Variants in CELF2 observed in about 807,000 individuals in gnomAD.
CELF2 encodes the protein CUGBP Elav-like family member 2.
Under a neutral mutation model 62.6 loss-of-function variants are expected in CELF2, and 8 were observed. The ratio of observed to expected loss-of-function variants is 0.13; its 90% CI spans 0.07 to 0.23. The LOEUF (loss-of-function observed/expected upper bound fraction) is 0.23, where lower values mean the gene tolerates loss of function less well. Ranked by LOEUF, CELF2 falls within the 10% of genes least tolerant of loss-of-function variation. The probability of loss-of-function intolerance (pLI) is 1.00; values close to 1 mark genes in which losing one functional copy is unlikely to be tolerated. For synonymous variants in CELF2, 258 were observed against 250.0 expected (o/e 1.03, Z -0.30); for missense variants, 333 against 671.0 (o/e 0.50, Z 5.56).
the CELF2 span, among the ~76,000 whole-genome samples, chr10:10,737,174 C>A: frequency 1.3e-5 from 2 of 152,116 alleles, no homozygotes; most frequent in Non-Finnish European, 2.9e-5. Context: ...ATCTAACTAT[C>A]CGTCAAATGT....
At chr10:10,668,571 A>G in the CELF2 span, among the ~76,000 whole-genome samples, 1 of 151,994 alleles carries the variant, frequency 6.6e-6, no homozygotes, top group Non-Finnish European at 1.5e-5. Context: ...TATTGACCCA[A>G]CTACTTCTGT....
At chr10:10,757,585 A>G in the CELF2 span, among the ~76,000 whole-genome samples, 23,358 of 152,206 alleles carry the variant, frequency 0.15, 2,007 homozygotes, top group East Asian at 0.29. Context: ...TAAAAGAGAA[A>G]CTATTAAGAA....
At chr10:10,913,175 T>G (rs2063963582) in intron 1 of CELF2, among the ~76,000 whole-genome samples, 1 of 151,998 alleles carries the variant, frequency 6.6e-6, no homozygotes. Context: ...AGAGAAGACA[T>G]GAAGGCCAAA....
chr10:10,793,189 G>A, the CELF2 span, among the ~76,000 whole-genome samples: 5 of 152,122 alleles, frequency 3.3e-5, no homozygotes, highest in South Asian at 2.1e-4. Context: ...CTAAGTCATC[G>A]ATGAAGGACC....
the CELF2 span, among the ~76,000 whole-genome samples, chr10:10,691,013 T>A: frequency 1.3e-5 from 2 of 152,110 alleles, no homozygotes; most frequent in Non-Finnish European, 2.9e-5. Context: ...GTGATTTTTT[T>A]TTATTATTAT....
the CELF2 span, among the ~76,000 whole-genome samples, chr10:10,787,397 CAG>C: frequency 3.3e-5 from 5 of 152,046 alleles, no homozygotes; most frequent in Admixed American, 6.6e-5. Context: ...CTTTTAAAAA[CAG>C]AACATACTTA....
At chr10:11,083,315 T>G (rs2074527346) in intron 1 of CELF2, among the ~76,000 whole-genome samples, 1 of 152,184 alleles carries the variant, frequency 6.6e-6, no homozygotes, top group Admixed American at 6.5e-5. Flanking sequence ...GAAACAAATG[T>G]GTATTTCAGC....
chr10:10,955,065 T>G (rs2048746516), intron 2 of CELF2, among the ~76,000 whole-genome samples: 1 of 152,264 alleles, frequency 6.6e-6, no homozygotes, highest in Admixed American at 6.5e-5. Context: ...GTGTATTTTT[T>G]AAAGTATAAT....
chr10:11,305,812 A>C lies in CELF2; in HGVS notation c.977-8327A>C, dbSNP rs1403151484. Among the ~76,000 whole-genome samples the C allele has an allele frequency of 6.6e-6, 1 of 152,186 alleles. No individual in the cohort carries two copies. Among genetic ancestry groups the C allele is most frequent in the Non-Finnish European group, 1.5e-5 (1 of 68,030 alleles). ...CTCAATTTGTAGTTTTCCAACAGTG[A>C]GCTTATCTGGGCAAACAAGCAAAGA... On this transcript the variant is annotated intron_variant, in intron 9 of 12. Transcript: ENST00000633077. The surrounding 1 kb of genome is among the most constrained non-coding windows in gnomAD (Gnocchi z 4.8).
intron 1 of CELF2, among the ~76,000 whole-genome samples, chr10:11,088,933 T>A (rs1320606608): frequency 1.3e-5 from 2 of 152,196 alleles, no homozygotes; most frequent in Admixed American, 6.5e-5. Context: ...CTGGAGCTGG[T>A]GACTGAAGCA....
the CELF2 span, among the ~76,000 whole-genome samples, chr10:10,774,047 G>C: frequency 6.6e-6 from 1 of 152,200 alleles, no homozygotes; most frequent in African/African-American, 2.4e-5. Context: ...GGCCAAGATT[G>C]TTGCTGCTGG....
chr10:11,053,865 C>T lies in CELF2; in HGVS notation c.74+35702C>T, dbSNP rs187541303. Among the ~76,000 whole-genome samples the T allele has an allele frequency of 2.1e-3, 324 of 152,128 alleles. 4 individuals carry two copies. The highest frequency in any genetic ancestry group is 7.4e-3 in the African/African-American group (306 of 41,504). ...TCCTGACCTCGTGATCCACCCGCCT[C>T]GGCCTCCCAAAGTGCTGGGATTACA... is the stretch of plus-strand genomic sequence containing the variant. On this transcript the variant is annotated intron_variant, in intron 1 of 12. Transcript: ENST00000633077.
At chr10:10,781,005 T>C in the CELF2 span, among the ~76,000 whole-genome samples, 1 of 152,220 alleles carries the variant, frequency 6.6e-6, no homozygotes, top group Non-Finnish European at 1.5e-5. Context: ...CTACTCTTTT[T>C]GAGTCATCAC....
rs753146472 is a variant in CELF2 at position 11,270,874 on chromosome 10, A to G, written c.777+50A>G. The G allele has an allele frequency of 3.0e-6, 4 of 1,332,506 alleles. No individual in the cohort carries two copies. The highest frequency in any genetic ancestry group is 2.4e-5 in the South Asian group (1 of 40,942). 82.5% of individuals were successfully genotyped at this position (1,332,506 alleles called of 1,614,324 possible). On this transcript the variant is annotated intron_variant, in intron 7 of 12. Transcript: ENST00000633077. The surrounding 1 kb of genome is among the most constrained non-coding windows in gnomAD (Gnocchi z 5.8). Reference sequence around the variant, plus strand: ...GGTCTTCACCCGCTGAAACTCTGCAAACTGACTTTTCCCCTCCCTACGCTG... The same window carrying G: ...GGTCTTCACCCGCTGAAACTCTGCAGACTGACTTTTCCCCTCCCTACGCTG...
the CELF2 span, among the ~76,000 whole-genome samples, chr10:10,753,620 T>C: frequency 6.6e-6 from 1 of 152,206 alleles, no homozygotes; most frequent in African/African-American, 2.4e-5. Flanking sequence ...TTGGACAACT[T>C]AAGTAGCATT....
At chr10:10,752,802 TAA>T in the CELF2 span, among the ~76,000 whole-genome samples, 25 of 116,514 alleles carry the variant, frequency 2.1e-4, no homozygotes, top group African/African-American at 4.0e-4. Flanking sequence ...ATACCGGTAG[TAA>T]AAAAAAAAAA....
At chr10:10,546,975 C>T in the CELF2 span, among the ~76,000 whole-genome samples, 1 of 152,042 alleles carries the variant, frequency 6.6e-6, no homozygotes, top group African/African-American at 2.4e-5. Context: ...GGCATGGTGG[C>T]ATGCGCCTGT....
the CELF2 span, among the ~76,000 whole-genome samples, chr10:10,515,116 A>G: frequency 6.6e-6 from 1 of 152,252 alleles, no homozygotes; most frequent in African/African-American, 2.4e-5. Context: ...AAGTAGGCTG[A>G]GAGCTACTAG....
At chr10:11,057,301 G>T (rs1368078513) in intron 1 of CELF2, among the ~76,000 whole-genome samples, 1 of 152,126 alleles carries the variant, frequency 6.6e-6, no homozygotes, top group African/African-American at 2.4e-5. Flanking sequence ...GTGGGGTGGG[G>T]GGTGGTCCAG....
Sources: allele counts gnomAD v4.1 joint callset (sites outside exome capture counted in the v4.1 genomes callset), GRCh38; gene constraint gnomAD v4.1.1; non-coding constraint Gnocchi (gnomAD v3.1); transcripts MANE v1.5; gene names NCBI Gene and HGNC (gene_info 2026-07-23, HGNC 2026-07-21).